The following ZNF268 variants were observed in gnomAD, a reference collection of about 807,000 sequenced individuals.
ZNF268 encodes the protein zinc finger protein 3.
Under a neutral mutation model 29.3 loss-of-function variants are expected in ZNF268, and 20 were observed. The ratio of observed to expected loss-of-function variants is 0.68; its 90% CI spans 0.48 to 0.99. The LOEUF (loss-of-function observed/expected upper bound fraction) is 0.99. Ranked by LOEUF, ZNF268 falls within the 50% of genes least tolerant of loss-of-function variation. The pLI, the probability that ZNF268 is intolerant of heterozygous loss-of-function variation, is 0.00. For missense variants in ZNF268, 1,240 were observed against 1,121.6 expected (o/e 1.11, Z -1.51); for synonymous variants, 429 against 376.9 (o/e 1.14, Z -1.60).
chr12:133,189,165 T>C (rs971371498), intron 3 of ZNF268, among the ~76,000 whole-genome samples: 5 of 152,014 alleles, frequency 3.3e-5, no homozygotes, highest in Non-Finnish European at 7.4e-5. Context: ...ATATGTAAGT[T>C]CTTTCTGTTT....
Position 133,202,572 on chromosome 12 carries a change from C to G in ZNF268, c.886C>G (p.Gln296Glu). Residue 296 changes from glutamine to glutamate, a missense_variant, in exon 6 of 6, where the codon CAA becomes GAA. Physicochemically the swap from Gln to Glu is conservative, Grantham distance 29. Transcript: ENST00000536435. The stretch of plus-strand genomic sequence containing the variant: ...CAAGTCATACCTTCTAGTGCATCAG[C>G]AAACTCATGCCGAAGAGAAACCCTA... Reference protein sequence around the residue: ...SSKSYLLVHQQTHAEEKPYGC... With the variant: ...SSKSYLLVHQETHAEEKPYGC... The G allele has an allele frequency of 6.2e-7, 1 of 1,609,244 alleles. No homozygotes were observed. The highest frequency in any genetic ancestry group is 8.5e-7 in the Non-Finnish European group (1 of 1,177,502).
intron 2 of ZNF268, chr12:133,184,624 TG>T (rs778248653): frequency 2.0e-3 from 369 of 187,370 alleles, no homozygotes; most frequent in African/African-American, 0.015. Flanking sequence ...TTTATTTATT[TG>T]TTTATTTTTT....
At chr12:133,192,463 C>T (rs148144669) in intron 5 of ZNF268, among the ~76,000 whole-genome samples, 1 of 152,238 alleles carries the variant, frequency 6.6e-6, no homozygotes, top group East Asian at 1.9e-4. Context: ...CTTACTCTAT[C>T]TTGGTGATAG....
At chr12:133,188,158 A>G in intron 3 of ZNF268, 86 bp downstream of exon 3, 1 of 1,253,254 alleles carries the variant, frequency 8.0e-7, no homozygotes, top group Non-Finnish European at 1.1e-6. Context: ...TCCTTAGGTC[A>G]GAGGGTTAAG....
Position 133,203,408 on chromosome 12 carries a change from C to G in ZNF268, c.1722C>G (p.His574Gln). The change falls in exon 6 of 6, where the codon CAC becomes CAG. Residue 574 changes from histidine to glutamine, a missense_variant. His to Gln is a conservative substitution (Grantham distance 24, BLOSUM62 0). Transcript: ENST00000536435. ...AFSRKYQLISHQRTHAGEKPY... is the reference protein window; with the variant it reads ...AFSRKYQLISQQRTHAGEKPY... ...GTCGGAAATACCAGCTTATTTCACA[C>G]CAGAGAACTCATGCAGGAGAGAAGC... is the stretch of plus-strand genomic sequence containing the variant. The G allele has an allele frequency of 6.5e-7, 1 of 1,544,470 alleles. No individual in the cohort carries two copies. The highest frequency in any genetic ancestry group is 1.2e-5 in the South Asian group (1 of 84,432).
At chr12:133,185,950 T>C (rs1304668879) in intron 2 of ZNF268, among the ~76,000 whole-genome samples, 1 of 152,202 alleles carries the variant, frequency 6.6e-6, no homozygotes, top group Non-Finnish European at 1.5e-5. Flanking sequence ...GGTTTTATGT[T>C]TTGTTTTGTT....
intron 5 of ZNF268, among the ~76,000 whole-genome samples, chr12:133,198,729 TCTC>T (rs1956678367): frequency 2.0e-5 from 3 of 150,712 alleles, no homozygotes; most frequent in Non-Finnish European, 3.0e-5. Context: ...GGTTTGTACT[TCTC>T]CTTGAAGAGG....
At chr12:133,193,170 A>G (rs773842810) in intron 5 of ZNF268, among the ~76,000 whole-genome samples, 15 of 152,098 alleles carry the variant, frequency 9.9e-5, no homozygotes, top group Non-Finnish European at 1.8e-4. Flanking sequence ...TGTAACTTTT[A>G]AAAGACTTAC....
At chr12:133,196,486 G>A (rs547760365) in intron 5 of ZNF268, among the ~76,000 whole-genome samples, 28 of 152,122 alleles carry the variant, frequency 1.8e-4, no homozygotes, top group Admixed American at 8.5e-4. Context: ...TTCCAATGAC[G>A]AAAGCAGAGA....
chr12:133,203,686 C>T lies in ZNF268; in HGVS notation c.2000C>T (p.Pro667Leu). ...AAAGGAGTGCACACTGGAGTAAAAC[C>T]CTATGGATGCAGTCAATGTGCAAAA... ...VHKGVHTGVK[P>L]YGCSQCAKTF... The change falls in exon 6 of 6, where the codon CCC becomes CTC. Residue 667 changes from proline (P) to leucine (L), a missense_variant. Coordinates refer to ENST00000536435, the MANE Select transcript of ZNF268 (RefSeq NM_003415.3). 1 of 1,547,974 alleles carries T rather than the reference C, an allele frequency of 6.5e-7. No homozygotes were observed. Among genetic ancestry groups the T allele is most frequent in the African/African-American group, 1.4e-5 (1 of 73,346 alleles).
At chr12:133,194,057 C>T (rs1956539649) in intron 5 of ZNF268, among the ~76,000 whole-genome samples, 1 of 152,010 alleles carries the variant, frequency 6.6e-6, no homozygotes. Flanking sequence ...CTTTTAAAAC[C>T]CTCATCGTCT....
intron 5 of ZNF268, chr12:133,193,634 A>C (rs1956528565): frequency 2.1e-6 from 1 of 476,936 alleles, no homozygotes; most frequent in Non-Finnish European, 3.8e-6. Flanking sequence ...GGCACAACTT[A>C]ATCTTCTCTT....
chr12:133,199,111 G>T (rs1956688391), intron 5 of ZNF268, among the ~76,000 whole-genome samples: 1 of 152,102 alleles, frequency 6.6e-6, no homozygotes, highest in Non-Finnish European at 1.5e-5. Flanking sequence ...CCTGTCTTGT[G>T]CCAGTTTTCA....
Position 133,203,903 on chromosome 12 carries a change from CAT to C in ZNF268, c.2218_2219del (p.Ile740CysfsTer13). The C allele has an allele frequency of 6.3e-7, 1 of 1,582,602 alleles. No homozygotes were observed. ...GKSFSFNSQL[I>X]VHQRIHTGEN... Reference sequence around the variant, plus strand: ...AATCCTTTAGTTTCAATTCACAACTCATTGTGCATCAGAGAATTCACACAGGA... The same window carrying C: ...AATCCTTTAGTTTCAATTCACAACTCTGTGCATCAGAGAATTCACACAGGA... On this transcript the variant is annotated frameshift_variant, in exon 6 of 6. Coordinates refer to ENST00000536435, the MANE Select transcript of ZNF268 (RefSeq NM_003415.3). LOFTEE classifies it low-confidence loss of function (END_TRUNC).
intron 3 of ZNF268, among the ~76,000 whole-genome samples, chr12:133,188,364 G>GT (rs1956377635): frequency 6.6e-6 from 1 of 151,946 alleles, no homozygotes; most frequent in Non-Finnish European, 1.5e-5. Context: ...CCTGGCTGAT[G>GT]TTTTTTATTT....
At chr12:133,193,717 A>G (rs77894419) in intron 5 of ZNF268, among the ~76,000 whole-genome samples, 2,449 of 152,284 alleles carry the variant, frequency 0.016, 55 homozygotes, top group African/African-American at 0.056. Flanking sequence ...AATAACTTCC[A>G]TTCGGAAGAT....
intron 3 of ZNF268, 45 bp downstream of exon 3, chr12:133,188,117 T>TTC (rs1256755801): frequency 8.6e-7 from 1 of 1,159,800 alleles, no homozygotes; most frequent in East Asian, 4.1e-5. Context: ...TTTATTACCT[T>TTC]TTTTTTTTTT....
chr12:133,194,290 A>G (rs867597542), intron 5 of ZNF268, among the ~76,000 whole-genome samples: 1 of 152,202 alleles, frequency 6.6e-6, no homozygotes, highest in African/African-American at 2.4e-5. Flanking sequence ...TCAATCCCAG[A>G]CCAACTAATT....
chr12:133,184,763 C>T (rs975248439), intron 2 of ZNF268: 10 of 441,716 alleles, frequency 2.3e-5, no homozygotes, highest in Middle Eastern at 5.8e-4. Context: ...ATTACAGGTG[C>T]GCACCACCAT....
Sources: gnomAD v4.1 joint callset for allele counts (sites outside exome capture counted in the v4.1 genomes callset) on GRCh38, gnomAD v4.1.1 for gene constraint, MANE v1.5 for transcripts, NCBI Gene and HGNC (gene_info 2026-07-23, HGNC 2026-07-21) for gene names.